The following ZRANB3 variants were observed in gnomAD, a reference collection of about 807,000 sequenced individuals.
ZRANB3 encodes zinc finger RANBP2-type containing 3.
Under a neutral mutation model 133.8 loss-of-function variants are expected in ZRANB3, and 125 were observed. The observed-to-expected ratio is 0.93, with a 90% CI of 0.81 to 1.08. The LOEUF (loss-of-function observed/expected upper bound fraction) is 1.08. Among genes scored for constraint, ZRANB3 ranks in the 50% least tolerant of loss-of-function variants. The probability of loss-of-function intolerance (pLI) is 0.00; values close to 1 mark genes in which losing one functional copy is unlikely to be tolerated. For missense variants in ZRANB3, 1,229 were observed against 1,275.5 expected, an observed-to-expected ratio of 0.96 and a Z score of 0.56; for synonymous variants, 387 against 432.7, an observed-to-expected ratio of 0.89 and a Z score of 1.31.
intron 2 of ZRANB3, among the ~76,000 whole-genome samples, chr2:135,491,031 A>G (rs1179039288): frequency 1.3e-5 from 2 of 152,144 alleles, no homozygotes; most frequent in Non-Finnish European, 2.9e-5. Flanking sequence ...AATGGGTACA[A>G]ATATACAGTT....
At position 135,290,228 on chromosome 2, in the gene ZRANB3, C is replaced by T. The variant is rs1007973055; in HGVS notation, c.967-14473G>A. Among the ~76,000 whole-genome samples, 3 of 152,128 alleles carry T rather than the reference C, an allele frequency of 2.0e-5. No homozygotes were observed. In the East Asian group the frequency reaches 5.8e-4, roughly 29 times the overall value. ...TCCCCTATATTGTGTTGTGGTCTATCTAACTTCTTAGGTATAGTAGTAATT... is the reference window on the plus strand; with the variant it reads ...TCCCCTATATTGTGTTGTGGTCTATTTAACTTCTTAGGTATAGTAGTAATT... On this transcript the variant is annotated intron_variant, in intron 8 of 20. Transcript: ENST00000264159.
intron 18 of ZRANB3, 30 bp downstream of exon 18, chr2:135,208,838 T>C (rs1693984593): frequency 2.6e-6 from 4 of 1,550,274 alleles, no homozygotes; most frequent in Admixed American, 3.4e-5. Flanking sequence ...GAATTAGTAC[T>C]ACTATATACT....
intron 2 of ZRANB3, among the ~76,000 whole-genome samples, chr2:135,488,036 C>T (rs1297980587): frequency 6.6e-6 from 1 of 152,108 alleles, no homozygotes; most frequent in Admixed American, 6.6e-5. Context: ...TATGATCTTT[C>T]CTTCTACTTG....
intron 8 of ZRANB3, among the ~76,000 whole-genome samples, chr2:135,306,431 G>A (rs1415318532): frequency 6.7e-6 from 1 of 149,476 alleles, no homozygotes; most frequent in African/African-American, 2.5e-5. Context: ...GGGACTACAG[G>A]CACCCGCCAC....
At chr2:135,245,817 T>C (rs536880120) in intron 12 of ZRANB3, among the ~76,000 whole-genome samples, 6 of 143,428 alleles carry the variant, frequency 4.2e-5, no homozygotes, top group Admixed American at 3.6e-4. Flanking sequence ...TCCCAGCTAC[T>C]TGGGAGGCTG....
intron 19 of ZRANB3, 116 bp downstream of exon 19, chr2:135,207,318 A>ATTTTCT: frequency 7.7e-7 from 1 of 1,302,186 alleles, no homozygotes; most frequent in South Asian, 1.9e-5. Context: ...TGGGTCCATT[A>ATTTTCT]TTTTCTTTCC....
At chr2:135,247,854 G>A (rs1402219325) in intron 12 of ZRANB3, among the ~76,000 whole-genome samples, 1 of 152,200 alleles carries the variant, frequency 6.6e-6, no homozygotes, top group East Asian at 1.9e-4. Flanking sequence ...AAGCGAAAGG[G>A]AGTGTGGAGG....
chr2:135,244,473 T>C (rs1695698325), intron 12 of ZRANB3, among the ~76,000 whole-genome samples: 1 of 152,070 alleles, frequency 6.6e-6, no homozygotes, highest in South Asian at 2.1e-4. Context: ...TCGTGCGTGG[T>C]GGTGGGTGCC....
In ZRANB3 at chr2:135,400,499, G is replaced by C. The variant is rs545770181; in HGVS notation, c.162-9679C>G. On this transcript the variant is annotated intron_variant, in intron 2 of 20. Coordinates refer to ENST00000264159, the MANE Select transcript of ZRANB3 (RefSeq NM_032143.4). Reference sequence around the variant, plus strand: ...TAGCTGGAAATACAGGCAAGATGGGGTTTCACCATGTTGGCCAGGCTGGTC... The same window carrying C: ...TAGCTGGAAATACAGGCAAGATGGGCTTTCACCATGTTGGCCAGGCTGGTC... Among the ~76,000 whole-genome samples, 3 of 152,006 alleles carry C rather than the reference G, an allele frequency of 2.0e-5. No homozygotes were observed. The South Asian group carries it at 6.2e-4, about 32-fold the overall frequency.
chr2:135,288,357 G>T (rs955385318), intron 8 of ZRANB3, among the ~76,000 whole-genome samples: 65 of 152,090 alleles, frequency 4.3e-4, no homozygotes, highest in African/African-American at 1.6e-3. Context: ...GAGGATTTTT[G>T]CATCTGTGTT....
At chr2:135,500,909 T>C (rs913675877) in intron 2 of ZRANB3, among the ~76,000 whole-genome samples, 1 of 151,872 alleles carries the variant, frequency 6.6e-6, no homozygotes, top group Non-Finnish European at 1.5e-5. Flanking sequence ...AATAGAAGCA[T>C]AGGATGAAGT....
At chr2:135,227,723 A>G in intron 14 of ZRANB3, 89 bp downstream of exon 14, 6 of 1,320,574 alleles carry the variant, frequency 4.5e-6, no homozygotes, top group Non-Finnish European at 6.3e-6. Flanking sequence ...GGAACCTGGA[A>G]CAAGGTAGTA....
intron 2 of ZRANB3, among the ~76,000 whole-genome samples, chr2:135,418,033 C>T (rs1424841407): frequency 1.3e-5 from 2 of 152,054 alleles, no homozygotes; most frequent in African/African-American, 4.8e-5. Flanking sequence ...ATGTGTGCAG[C>T]ATAGCAGCAT....
intron 3 of ZRANB3, among the ~76,000 whole-genome samples, chr2:135,386,904 T>C (rs1201670646): frequency 7.9e-5 from 12 of 151,424 alleles, no homozygotes. Flanking sequence ...GATGAGTTGA[T>C]GGGTGCAGCA....
intron 2 of ZRANB3, among the ~76,000 whole-genome samples, chr2:135,436,915 A>G (rs1689560676): frequency 6.6e-6 from 1 of 152,218 alleles, no homozygotes; most frequent in Non-Finnish European, 1.5e-5. Context: ...AATAGATTAA[A>G]ATGGAAACAA....
In ZRANB3 at chr2:135,315,485, AT is replaced by A; in HGVS notation, c.722del (p.Asn241IlefsTer9). ...TTAATAGCTGGTGAAGTTCATTAAG[AT>A]TTGATGCCCCTCTACAATCCCACTG... ...RPQWDCRGAS[N>X]LNELHQLLSD... is the part of the protein sequence containing the mutation. On this transcript the variant is annotated frameshift_variant, in exon 7 of 21. Transcript: ENST00000264159. LOFTEE classifies it high-confidence loss of function. The A allele has an allele frequency of 1.3e-6, 2 of 1,591,374 alleles. No homozygotes were observed. The highest frequency in any genetic ancestry group is 1.7e-6 in the Non-Finnish European group (2 of 1,171,220).
At chr2:135,373,919 A>G (rs1200848807) in intron 3 of ZRANB3, among the ~76,000 whole-genome samples, 1 of 151,558 alleles carries the variant, frequency 6.6e-6, no homozygotes, top group Non-Finnish European at 1.5e-5. Flanking sequence ...TATTCTTCCT[A>G]TGCTTTACAT....
chr2:135,261,608 G>A (rs1172109447), intron 12 of ZRANB3, among the ~76,000 whole-genome samples: 1 of 152,140 alleles, frequency 6.6e-6, no homozygotes, highest in Non-Finnish European at 1.5e-5. Flanking sequence ...TTTGGTATGG[G>A]TGATTTTTTA....
At chr2:135,525,198 CAA>C (rs1466829095) in intron 1 of ZRANB3, among the ~76,000 whole-genome samples, 1 of 152,004 alleles carries the variant, frequency 6.6e-6, no homozygotes, top group Non-Finnish European at 1.5e-5. Flanking sequence ...ACAGGCTACA[CAA>C]AAGAGACTAA....
Sources: allele counts gnomAD v4.1 joint callset (sites outside exome capture counted in the v4.1 genomes callset), GRCh38; gene constraint gnomAD v4.1.1; transcripts MANE v1.5; gene names NCBI Gene and HGNC (gene_info 2026-07-23, HGNC 2026-07-21).